PTPRO: variants seen among roughly 807,000 people sequenced by gnomAD.
PTPRO encodes receptor-type tyrosine-protein phosphatase O.
PTPRO carries 62 observed loss-of-function variants against 145.2 expected under a neutral mutation model. The observed-to-expected ratio is 0.43, with a 90% CI of 0.35 to 0.53. The LOEUF is 0.53. PTPRO is among the 20% of genes least tolerant of loss of function. PTPRO has a pLI of 0.01. For synonymous variants in PTPRO, 565 were observed against 514.7 expected (o/e 1.10, Z -1.32); for missense variants, 1,345 against 1,482.7 (o/e 0.91, Z 1.53).
intron 22 of PTPRO, among the ~76,000 whole-genome samples, chr12:15,581,363 C>T (rs945609026): frequency 7.6e-5 from 11 of 145,044 alleles, no homozygotes; most frequent in Non-Finnish European, 1.3e-4. Context: ...TGCAGTGGCA[C>T]GATCTCAGCT....
chr12:15,504,528 A>T lies in PTPRO; in HGVS notation c.1267+459A>T, dbSNP rs554898036. On this transcript the variant is annotated intron_variant, in intron 6 of 26. Coordinates refer to ENST00000281171, the MANE Select transcript of PTPRO (RefSeq NM_030667.3). ...TGGTCTCAATAAAACTGGTGGGAAA[A>T]GTCATAGCTAGAGCAACCTGAAAGT... 1.2e-4 allele frequency among the ~76,000 whole-genome samples: 18 copies of T among 152,332 alleles called. No individual in the cohort carries two copies. The East Asian group carries it at 2.7e-3, about 23-fold the overall frequency.
chr12:15,409,970 C>A (rs1389113073), intron 1 of PTPRO, among the ~76,000 whole-genome samples: 1 of 152,130 alleles, frequency 6.6e-6, no homozygotes, highest in African/African-American at 2.4e-5. Context: ...GTGTTACCCT[C>A]CCAGTAGGGA....
At chr12:15,376,710 C>A (rs1320302684) in intron 1 of PTPRO, among the ~76,000 whole-genome samples, 1 of 152,158 alleles carries the variant, frequency 6.6e-6, no homozygotes, top group African/African-American at 2.4e-5. Flanking sequence ...AGACAGCTAT[C>A]TTCTTGCTGT....
intron 2 of PTPRO, among the ~76,000 whole-genome samples, chr12:15,485,060 C>T (rs529698980): frequency 9.0e-4 from 137 of 152,024 alleles, no homozygotes; most frequent in Non-Finnish European, 1.7e-3. Context: ...GCAACAGCTG[C>T]AATTTGTTAA....
At position 15,370,555 on chromosome 12, in the gene PTPRO, A is replaced by G. The variant is rs536468356; in HGVS notation, c.75+47754A>G. Among the ~76,000 whole-genome samples the G allele has an allele frequency of 2.6e-5, 4 of 152,334 alleles. No individual in the cohort carries two copies. In the South Asian group the frequency reaches 8.3e-4, roughly 32 times the overall value. ...CTGTATGTCAAATTTCATTATAAAT[A>G]TCTAGGAAGGCTAAAACAATTCAGG... On this transcript the variant is annotated intron_variant, in intron 1 of 26. Coordinates refer to ENST00000281171, the MANE Select transcript of PTPRO (RefSeq NM_030667.3).
intron 12 of PTPRO, among the ~76,000 whole-genome samples, chr12:15,537,294 G>T (rs1565692534): frequency 6.6e-6 from 1 of 152,100 alleles, no homozygotes; most frequent in Admixed American, 6.6e-5. Flanking sequence ...AGTTAACAAA[G>T]ACTCAATAAA....
intron 1 of PTPRO, among the ~76,000 whole-genome samples, chr12:15,354,997 T>A (rs1937938667): frequency 6.6e-6 from 1 of 152,226 alleles, no homozygotes; most frequent in Admixed American, 6.5e-5. Flanking sequence ...CCCTGGTTTA[T>A]ACCTATCTTC....
At chr12:15,345,404 T>C (rs1867167185) in intron 1 of PTPRO, among the ~76,000 whole-genome samples, 1 of 152,148 alleles carries the variant, frequency 6.6e-6, no homozygotes, top group African/African-American at 2.4e-5. Context: ...GTGGCACATA[T>C]GCACCATGGT....
chr12:15,371,802 A>G (rs2136259986), intron 1 of PTPRO, among the ~76,000 whole-genome samples: 1 of 152,256 alleles, frequency 6.6e-6, no homozygotes, highest in African/African-American at 2.4e-5. Context: ...CTGTTCTGAC[A>G]GTGAATGAGT....
intron 23 of PTPRO, among the ~76,000 whole-genome samples, chr12:15,583,709 T>A (rs1314812861): frequency 6.6e-6 from 1 of 152,064 alleles, no homozygotes; most frequent in African/African-American, 2.4e-5. Context: ...TTACTAACTG[T>A]CTCTTTGCAG....
chr12:15,370,824 G>A (rs965389060), intron 1 of PTPRO, among the ~76,000 whole-genome samples: 3 of 152,100 alleles, frequency 2.0e-5, no homozygotes, highest in Non-Finnish European at 4.4e-5. Flanking sequence ...AAAAGCAAAT[G>A]CAATTGTACC....
At chr12:15,414,406 C>T (rs1158937855) in intron 1 of PTPRO, among the ~76,000 whole-genome samples, 1 of 152,184 alleles carries the variant, frequency 6.6e-6, no homozygotes, top group African/African-American at 2.4e-5. Flanking sequence ...AGGTCCTCCA[C>T]AAATGTTTAT....
chr12:15,546,514 A>G (rs1439822683), intron 12 of PTPRO, 55 bp from the exon 13 acceptor site: 1 of 1,547,144 alleles, frequency 6.5e-7, no homozygotes, highest in East Asian at 2.4e-5. Flanking sequence ...TTAGTGAAAG[A>G]AGAAAGAATA....
chr12:15,407,405 T>A (rs551358835), intron 1 of PTPRO, among the ~76,000 whole-genome samples: 183 of 152,198 alleles, frequency 1.2e-3, no homozygotes, highest in Middle Eastern at 0.01. Flanking sequence ...ATTGAATAAA[T>A]CCGTAAAACC....
chr12:15,517,021 T>G, intron 9 of PTPRO, 65 bp downstream of exon 9: 1 of 1,383,126 alleles, frequency 7.2e-7, no homozygotes. Context: ...ATGTACCAAA[T>G]GTGTCTTTAA....
intron 1 of PTPRO, among the ~76,000 whole-genome samples, chr12:15,409,266 C>CA (rs923957957): frequency 3.3e-5 from 5 of 151,808 alleles, no homozygotes; most frequent in African/African-American, 7.3e-5. Context: ...AGATACCTGA[C>CA]AAAAAAAGAG....
rs189272816 is a variant in PTPRO at position 15,569,123 on chromosome 12, G to A, written c.2748-294G>A. Among the ~76,000 whole-genome samples, 48 of 152,184 alleles carry A rather than the reference G, an allele frequency of 3.2e-4. No homozygotes were observed. The East Asian group carries it at 7.6e-3, about 24-fold the overall frequency. On this transcript the variant is annotated intron_variant, in intron 18 of 26. Transcript: ENST00000281171. ...AGAGTTTTTTAGAAGCAACACAGAT[G>A]GGGGTGTGTGTATACGAGTATGCAT... is the stretch of plus-strand genomic sequence containing the variant.
chr12:15,473,428 A>G (rs1445356589), intron 1 of PTPRO, among the ~76,000 whole-genome samples: 1 of 152,188 alleles, frequency 6.6e-6, no homozygotes, highest in Non-Finnish European at 1.5e-5. Flanking sequence ...TAATTACCGA[A>G]TTCTGTAGTG....
chr12:15,375,548 C>G (rs111428863), intron 1 of PTPRO, among the ~76,000 whole-genome samples: 22,420 of 151,796 alleles, frequency 0.15, 3,740 homozygotes, highest in African/African-American at 0.41. Context: ...ACGAGGTCAG[C>G]AGTTTGAGAC....
Sources: allele counts gnomAD v4.1 joint callset (sites outside exome capture counted in the v4.1 genomes callset), GRCh38; gene constraint gnomAD v4.1.1; transcripts MANE v1.5; gene names NCBI Gene and HGNC (gene_info 2026-07-23, HGNC 2026-07-21).